Variants in ERCC8 observed in about 807,000 individuals in gnomAD.
ERCC8 encodes the protein DNA excision repair protein ERCC-8.
A neutral mutation model predicts 54.9 loss-of-function variants in ERCC8; 52 were observed. That is an observed-to-expected ratio of 0.95 (90% CI 0.76 to 1.19). The LOEUF is 1.19. Ranked by LOEUF, ERCC8 falls within the 50% of genes most tolerant of loss-of-function variation. The probability of loss-of-function intolerance (pLI) is 0.00; values close to 1 mark genes in which losing one functional copy is unlikely to be tolerated. For synonymous variants in ERCC8, 146 were observed against 157.2 expected, an observed-to-expected ratio of 0.93 and a Z score of 0.53; for missense variants, 514 against 466.1, an observed-to-expected ratio of 1.10 and a Z score of -0.95.
rs60064294 is a variant in ERCC8, at chr5:60,909,243, G to GAAAAAAA, written c.400-4377_400-4371dup. 1.3e-3 allele frequency among the ~76,000 whole-genome samples: 25 copies of GAAAAAAA among 19,948 alleles called. 6 individuals carry two copies. Among genetic ancestry groups the GAAAAAAA allele is most frequent in the Non-Finnish European group, 1.8e-3 (20 of 11,234 alleles). The allele number at this position is 19,948 out of a possible 152,430, so 13.1% of individuals were successfully genotyped here. Reference sequence around the variant, plus strand: ...AATGCAGACAAAAATGCCCTATTCTGAAAAAAAAAAAAAAAAAAAAAAAAA... The same window carrying GAAAAAAA: ...AATGCAGACAAAAATGCCCTATTCTGAAAAAAAAAAAAAAAAAAAAAAAAAAAAAAAA... On this transcript the variant is annotated intron_variant, in intron 4 of 11. Transcript: ENST00000676185.
intron 1 of ERCC8, among the ~76,000 whole-genome samples, chr5:60,933,216 C>CTTTT (rs143139297): frequency 1.5e-4 from 13 of 89,488 alleles, no homozygotes; most frequent in Non-Finnish European, 2.3e-4. Flanking sequence ...CCTTTTTTTT[C>CTTTT]TTTTTTTTTT....
chr5:60,930,552 C>T (rs1007253288), intron 1 of ERCC8, among the ~76,000 whole-genome samples: 2 of 54,740 alleles, frequency 3.7e-5, no homozygotes, highest in East Asian at 5.5e-4. Flanking sequence ...AGCAAGACTC[C>T]GTCTAAAAAC....
chr5:60,930,454 G>A (rs111231113), intron 1 of ERCC8, among the ~76,000 whole-genome samples: 3 of 152,174 alleles, frequency 2.0e-5, no homozygotes, highest in Admixed American at 2.0e-4. Context: ...CTACTTGGGA[G>A]GCTGAGGTAG....
At chr5:60,910,768 T>C (rs1206520986) in intron 4 of ERCC8, among the ~76,000 whole-genome samples, 3 of 152,146 alleles carry the variant, frequency 2.0e-5, no homozygotes, top group Non-Finnish European at 4.4e-5. Context: ...ATAATTTGGC[T>C]ATAGATTCTT....
rs148046583 is a variant in ERCC8, at chr5:60,869,623, C to A, written c.*4992G>T. On this transcript the variant is annotated 3_prime_UTR_variant, in exon 12 of 12. Coordinates refer to ENST00000676185, the MANE Select transcript of ERCC8 (RefSeq NM_000082.4). ...AACTTTTTTTCTCTATTAAGGTGTT[C>A]CCTTAATTCTAAAGTAAAGGCATGG... 3.3e-3 allele frequency among the ~76,000 whole-genome samples: 498 copies of A among 152,180 alleles called. 5 individuals carry two copies. Among genetic ancestry groups the A allele is most frequent in the East Asian group, 0.022 (113 of 5,184 alleles).
chr5:60,921,988 T>C (rs1417178831), intron 3 of ERCC8, 66 bp downstream of exon 3: 1 of 1,120,922 alleles, frequency 8.9e-7, no homozygotes, highest in Non-Finnish European at 1.3e-6. Context: ...TTTCATGTTT[T>C]GCATTCGATG....
intron 11 of ERCC8, among the ~76,000 whole-genome samples, chr5:60,878,462 G>C (rs1466716808): frequency 6.6e-6 from 1 of 152,154 alleles, no homozygotes; most frequent in Non-Finnish European, 1.5e-5. Context: ...GCTCCTCCTT[G>C]TACCTCTGGT....
At chr5:60,940,046 C>G (rs1750212087) in intron 1 of ERCC8, among the ~76,000 whole-genome samples, 1 of 152,176 alleles carries the variant, frequency 6.6e-6, no homozygotes, top group East Asian at 1.9e-4. Context: ...TGTTCTCCCT[C>G]TGGAACTATT....
At chr5:60,942,613 A>G (rs900746745) in intron 1 of ERCC8, among the ~76,000 whole-genome samples, 4 of 152,208 alleles carry the variant, frequency 2.6e-5, no homozygotes, top group Non-Finnish European at 5.9e-5. Context: ...GCAGATTAGT[A>G]GTTTCTAGAG....
At position 60,895,329 on chromosome 5, in the gene ERCC8, G is replaced by C. The variant is rs772703915; in HGVS notation, c.843+2947C>G. 7.7e-4 allele frequency among the ~76,000 whole-genome samples: 117 copies of C among 152,112 alleles called. 1 individual carries two copies. Among genetic ancestry groups the C allele is most frequent in the Middle Eastern group, 6.8e-3 (2 of 294 alleles). On this transcript the variant is annotated intron_variant, in intron 9 of 11. Coordinates refer to ENST00000676185, the MANE Select transcript of ERCC8 (RefSeq NM_000082.4). ...CTATACTTGGCTTACTTTCCCTTTA[G>C]GCTAACTTGTGCCAGAAATGGGTAC...
intron 4 of ERCC8, among the ~76,000 whole-genome samples, chr5:60,912,244 T>C (rs563931625): frequency 6.6e-6 from 1 of 152,304 alleles, no homozygotes; most frequent in East Asian, 1.9e-4. Context: ...TTCTTCCATT[T>C]GTTTGTGTCC....
At chr5:60,877,878 G>A (rs868324762) in intron 11 of ERCC8, among the ~76,000 whole-genome samples, 6 of 152,126 alleles carry the variant, frequency 3.9e-5, no homozygotes, top group Admixed American at 6.5e-5. Flanking sequence ...TTTCCTGCCT[G>A]ATTGCCCTGG....
At chr5:60,944,480 T>C (rs1367664970) in intron 1 of ERCC8, among the ~76,000 whole-genome samples, 1 of 152,206 alleles carries the variant, frequency 6.6e-6, no homozygotes, top group Non-Finnish European at 1.5e-5. Flanking sequence ...CTACCCCAAT[T>C]CTCCGCTCTA....
At chr5:60,898,554 T>TCTGTATA in intron 8 of ERCC8, among the ~76,000 whole-genome samples, 154 bp from the exon 9 acceptor site, 1 of 150,874 alleles carries the variant, frequency 6.6e-6, no homozygotes, top group Non-Finnish European at 1.5e-5. Flanking sequence ...ATTATTTGAA[T>TCTGTATA]AGGATAAGCT....
rs61357511 is a variant in ERCC8, at chr5:60,868,691, C to T, written c.*5924G>A. ...ATAAATGATTTGTAATAATTCTAAG[C>T]ACCCAGGAGGTTTACAACAGTGATT... On this transcript the variant is annotated 3_prime_UTR_variant, in exon 12 of 12. Transcript: ENST00000676185. Among the ~76,000 whole-genome samples the T allele has an allele frequency of 6.6e-6, 1 of 152,108 alleles. No individual in the cohort carries two copies. Among genetic ancestry groups the T allele is most frequent in the East Asian group, 1.9e-4 (1 of 5,198 alleles).
chr5:60,890,559 T>G (rs1748516500), intron 10 of ERCC8, among the ~76,000 whole-genome samples: 3 of 152,222 alleles, frequency 2.0e-5, no homozygotes, highest in Non-Finnish European at 4.4e-5. Flanking sequence ...TATTTTATGA[T>G]TAAATGCCTA....
intron 1 of ERCC8, among the ~76,000 whole-genome samples, chr5:60,929,266 T>A (rs1336234731): frequency 6.6e-6 from 1 of 152,064 alleles, no homozygotes; most frequent in Non-Finnish European, 1.5e-5. Flanking sequence ...ATTAAAAAAA[T>A]TCCTTGAAAT....
At chr5:60,886,808 G>C (rs1748407206) in intron 11 of ERCC8, among the ~76,000 whole-genome samples, 1 of 151,858 alleles carries the variant, frequency 6.6e-6, no homozygotes, top group Non-Finnish European at 1.5e-5. Context: ...TCCACTTTTA[G>C]GAATCTATCT....
intron 1 of ERCC8, among the ~76,000 whole-genome samples, chr5:60,933,772 T>C (rs7728660): frequency 0.015 from 2,251 of 152,294 alleles, 59 homozygotes; most frequent in African/African-American, 0.051. Flanking sequence ...ATCATTCTTA[T>C]GCCTTTGTGT....
Sources: gnomAD v4.1 joint callset for allele counts (sites outside exome capture counted in the v4.1 genomes callset) on GRCh38, gnomAD v4.1.1 for gene constraint, MANE v1.5 for transcripts, NCBI Gene and HGNC (gene_info 2026-07-23, HGNC 2026-07-21) for gene names.